Variants in PACRG observed in about 807,000 individuals in gnomAD.
PACRG encodes the protein parkin coregulated.
Under a neutral mutation model 29.7 loss-of-function variants are expected in PACRG, and 29 were observed. The ratio of observed to expected loss-of-function variants is 0.98; its 90% CI spans 0.73 to 1.33. The LOEUF (loss-of-function observed/expected upper bound fraction) is 1.33, where lower values mean the gene tolerates loss of function less well. Ranked by LOEUF, PACRG falls within the 40% of genes most tolerant of loss-of-function variation. The pLI, the probability that PACRG is intolerant of heterozygous loss-of-function variation, is 0.00. For synonymous variants in PACRG, 116 were observed against 118.7 expected (o/e 0.98, Z 0.15); for missense variants, 279 against 316.2 (o/e 0.88, Z 0.89).
chr6:162,947,271 TAACC>T (rs1799089918), intron 2 of PACRG, among the ~76,000 whole-genome samples: 1 of 131,790 alleles, frequency 7.6e-6, no homozygotes, highest in African/African-American at 2.9e-5. Flanking sequence ...AATCTATATA[TAACC>T]ATATATAATC....
At chr6:162,854,225 T>G (rs1275612625) in intron 2 of PACRG, among the ~76,000 whole-genome samples, 1 of 151,788 alleles carries the variant, frequency 6.6e-6, no homozygotes, top group Non-Finnish European at 1.5e-5. Context: ...CTTGACTATA[T>G]ATAGTATCCT....
At chr6:163,197,739 G>A (rs1364587738) in intron 4 of PACRG, among the ~76,000 whole-genome samples, 2 of 151,978 alleles carry the variant, frequency 1.3e-5, no homozygotes, top group African/African-American at 2.4e-5. Flanking sequence ...CTGAGCCACT[G>A]AGCCCGCCGG....
intron 4 of PACRG, among the ~76,000 whole-genome samples, chr6:163,300,393 C>T (rs911041220): frequency 1.2e-4 from 18 of 152,324 alleles, no homozygotes; most frequent in Middle Eastern, 3.4e-3. Flanking sequence ...CAGAGGCCAA[C>T]GTAGCAATCT....
intron 3 of PACRG, among the ~76,000 whole-genome samples, chr6:163,085,265 T>C (rs1262533865): frequency 2.6e-5 from 4 of 152,212 alleles, no homozygotes; most frequent in Non-Finnish European, 5.9e-5. Flanking sequence ...GTTCTGTGTC[T>C]AATCCTTCCT....
chr6:163,108,856 A>G (rs1443138884), intron 4 of PACRG, among the ~76,000 whole-genome samples: 1 of 152,218 alleles, frequency 6.6e-6, no homozygotes, highest in Admixed American at 6.5e-5. Context: ...TCTGCCTTGT[A>G]CCTGATCTTT....
chr6:162,845,749 A>C (rs1021041648), intron 2 of PACRG, among the ~76,000 whole-genome samples: 3 of 152,228 alleles, frequency 2.0e-5, no homozygotes, highest in Non-Finnish European at 4.4e-5. Flanking sequence ...ACATGTTTAC[A>C]GTTTCATAGA....
chr6:162,914,600 C>CAA (rs79981470), intron 2 of PACRG, among the ~76,000 whole-genome samples: 46 of 125,816 alleles, frequency 3.7e-4, no homozygotes, highest in Middle Eastern at 4.1e-3. Context: ...CCATTTTTAC[C>CAA]AAAAAAAAAA....
At chr6:162,847,786 A>G (rs1333961) in intron 2 of PACRG, among the ~76,000 whole-genome samples, 85,256 of 151,722 alleles carry the variant, frequency 0.56, 25,719 homozygotes, top group African/African-American at 0.79. Flanking sequence ...AGGAGCTACT[A>G]GGGGCAGGGC....
At chr6:163,190,926 A>G (rs1027609247) in intron 4 of PACRG, 3 of 456,130 alleles carry the variant, frequency 6.6e-6, no homozygotes, top group Admixed American at 2.3e-5. Context: ...CGTGTGCAGC[A>G]TGCAGACCAC....
intron 2 of PACRG, among the ~76,000 whole-genome samples, chr6:163,029,394 CCT>C (rs767448300): frequency 6.6e-6 from 1 of 152,180 alleles, no homozygotes; most frequent in Non-Finnish European, 1.5e-5. Context: ...TTCAAGCCAG[CCT>C]CTCTGAGCAC....
Position 163,209,804 on chromosome 6 carries a change from G to A in PACRG, c.614-105023G>A, listed in dbSNP as rs139091164. 3.1e-3 allele frequency among the ~76,000 whole-genome samples: 469 copies of A among 152,226 alleles called. 3 individuals are homozygous for A. The highest frequency in any genetic ancestry group is 4.2e-3 in the Non-Finnish European group (289 of 68,020). ...AACTAACAACTGAAAACTTCCATATGTCTAAAGTACACAAACATATTCTTT... is the reference window on the plus strand; with the variant it reads ...AACTAACAACTGAAAACTTCCATATATCTAAAGTACACAAACATATTCTTT... On this transcript the variant is annotated intron_variant, in intron 4 of 4. Coordinates refer to ENST00000366888, the MANE Select transcript of PACRG (RefSeq NM_001080379.2).
chr6:163,163,160 C>T (rs1021806032), intron 4 of PACRG, among the ~76,000 whole-genome samples: 4 of 152,170 alleles, frequency 2.6e-5, no homozygotes, highest in Non-Finnish European at 5.9e-5. Context: ...TGTACACCAC[C>T]GGGGATGTGG....
chr6:163,254,224 G>A (rs1474622732), intron 4 of PACRG, among the ~76,000 whole-genome samples: 3 of 152,186 alleles, frequency 2.0e-5, no homozygotes, highest in Admixed American at 6.5e-5. Flanking sequence ...TTTTAAGGCA[G>A]CTGCTCTGGA....
At chr6:162,751,944 A>G (rs933683871) in intron 1 of PACRG, among the ~76,000 whole-genome samples, 8 of 152,178 alleles carry the variant, frequency 5.3e-5, no homozygotes, top group Non-Finnish European at 1.2e-4. Flanking sequence ...TCACATTTCT[A>G]ATTTGTTTCT....
At chr6:163,248,263 T>C (rs1418885173) in intron 4 of PACRG, among the ~76,000 whole-genome samples, 1 of 152,244 alleles carries the variant, frequency 6.6e-6, no homozygotes, top group African/African-American at 2.4e-5. Context: ...CAGCTGTCGC[T>C]GAGAATCAAA....
intron 2 of PACRG, among the ~76,000 whole-genome samples, chr6:162,926,142 A>G (rs1797421570): frequency 6.6e-6 from 1 of 152,154 alleles, no homozygotes; most frequent in African/African-American, 2.4e-5. Flanking sequence ...CCACTGCTCA[A>G]GAAAATAAGA....
intron 2 of PACRG, among the ~76,000 whole-genome samples, chr6:162,828,851 GT>G (rs1414255062): frequency 1.3e-5 from 2 of 152,108 alleles, no homozygotes; most frequent in African/African-American, 2.4e-5. Context: ...CTAGTAAATT[GT>G]GCAATTTCAG....
intron 2 of PACRG, among the ~76,000 whole-genome samples, chr6:162,961,372 C>T (rs912384213): frequency 4.6e-5 from 7 of 152,228 alleles, no homozygotes; most frequent in Admixed American, 1.3e-4. Context: ...CACAGCATGA[C>T]AGCAGGTGAA....
Position 162,806,126 on chromosome 6 carries a change from T to C in PACRG, c.157-8021T>C, listed in dbSNP as rs557385008. Among the ~76,000 whole-genome samples the C allele has an allele frequency of 1.8e-4, 27 of 151,874 alleles. No homozygotes were observed. In the South Asian group the frequency reaches 2.1e-3, roughly 12 times the overall value. On this transcript the variant is annotated intron_variant, in intron 1 of 4. Transcript: ENST00000366888. ...TTTCTTTCTTTCCTTTTTTTTTTTT[T>C]AGATCGAGTTTCACTCTTGTTGCCC...
Sources: gnomAD v4.1 joint callset for allele counts (sites outside exome capture counted in the v4.1 genomes callset) on GRCh38, gnomAD v4.1.1 for gene constraint, MANE v1.5 for transcripts, NCBI Gene and HGNC (gene_info 2026-07-23, HGNC 2026-07-21) for gene names.